Variants in YWHAE observed in about 807,000 individuals in gnomAD.
The protein encoded by YWHAE is tyrosine 3-monooxygenase/tryptophan 5-monooxygenase activation protein epsilon.
YWHAE carries 4 observed loss-of-function variants against 30.1 expected under a neutral mutation model. The ratio of observed to expected loss-of-function variants is 0.13; its 90% CI spans 0.07 to 0.30. The LOEUF (loss-of-function observed/expected upper bound fraction) is 0.30, where lower values mean the gene tolerates loss of function less well. YWHAE is among the 10% of genes least tolerant of loss of function. The probability of loss-of-function intolerance (pLI) is 1.00; values close to 1 mark genes in which losing one functional copy is unlikely to be tolerated. For missense variants in YWHAE, 121 were observed against 315.9 expected (o/e 0.38, Z 4.68); for synonymous variants, 118 against 111.8 (o/e 1.06, Z -0.35).
chr17:1,354,762 A>G (rs113363197), intron 4 of YWHAE, among the ~76,000 whole-genome samples: 2,489 of 152,002 alleles, frequency 0.016, 68 homozygotes, highest in African/African-American at 0.056. Flanking sequence ...TCTCAGGTTC[A>G]TGCCATTCTC....
intron 1 of YWHAE, among the ~76,000 whole-genome samples, chr17:1,382,570 C>G (rs2073230527): frequency 6.6e-6 from 1 of 151,250 alleles, no homozygotes. Flanking sequence ...CTATGTTAGC[C>G]AGGATGATCT....
chr17:1,385,394 T>C (rs2073285230), intron 1 of YWHAE, among the ~76,000 whole-genome samples: 1 of 152,184 alleles, frequency 6.6e-6, no homozygotes, highest in South Asian at 2.1e-4. Context: ...AAAAGTCATC[T>C]ACTGAAAAGG....
intron 1 of YWHAE, among the ~76,000 whole-genome samples, chr17:1,377,362 G>A (rs1326668411): frequency 6.6e-6 from 1 of 152,272 alleles, no homozygotes; most frequent in East Asian, 1.9e-4. Context: ...CAACCAGAGT[G>A]CTCACAGAAA....
intron 1 of YWHAE, among the ~76,000 whole-genome samples, chr17:1,395,092 TG>T (rs1228664319): frequency 1.3e-5 from 2 of 150,706 alleles, no homozygotes; most frequent in African/African-American, 2.4e-5. Flanking sequence ...CAGTCATCCA[TG>T]AAAAAAAAAA....
At chr17:1,377,811 G>A (rs2073146873) in intron 1 of YWHAE, among the ~76,000 whole-genome samples, 1 of 152,332 alleles carries the variant, frequency 6.6e-6, no homozygotes, top group South Asian at 2.1e-4. Context: ...CACTTTGGGA[G>A]GCCGAGGCAG....
chr17:1,368,512 T>G (rs1303754345), intron 1 of YWHAE, among the ~76,000 whole-genome samples: 1 of 148,286 alleles, frequency 6.7e-6, no homozygotes, highest in East Asian at 2.0e-4. Context: ...TGCACTGAGC[T>G]GAGATCGCGC....
intron 3 of YWHAE, 106 bp downstream of exon 3, chr17:1,361,796 G>T: frequency 4.6e-6 from 3 of 649,974 alleles, no homozygotes; most frequent in South Asian, 3.0e-5. Context: ...TTCTAACATT[G>T]AACAATTATT....
intron 1 of YWHAE, among the ~76,000 whole-genome samples, chr17:1,394,882 G>A (rs888078413): frequency 7.9e-5 from 12 of 152,046 alleles, no homozygotes; most frequent in East Asian, 1.9e-4. Flanking sequence ...CAGGAGAATC[G>A]CTTGAACCCA....
Position 1,344,627 on chromosome 17 carries a change from T to C in YWHAE, c.*820A>G, listed in dbSNP as rs919106534. 4.3e-6 allele frequency: 1 copy of C among 230,024 alleles called. No individual in the cohort carries two copies. The highest frequency in any genetic ancestry group is 2.2e-5 in the African/African-American group (1 of 45,124). 14.2% of individuals were successfully genotyped at this position (230,024 alleles called of 1,614,324 possible). Reference sequence around the variant, plus strand: ...GTAAGAACAATACAGATTCTGTATCTGTGGCTCCAGTCAGATATCCAGTAG... The same window carrying C: ...GTAAGAACAATACAGATTCTGTATCCGTGGCTCCAGTCAGATATCCAGTAG... On this transcript the variant is annotated 3_prime_UTR_variant, in exon 6 of 6. Transcript: ENST00000264335.
At chr17:1,360,302 A>G (rs2072843867) in intron 4 of YWHAE, among the ~76,000 whole-genome samples, 1 of 152,166 alleles carries the variant, frequency 6.6e-6, no homozygotes, top group African/African-American at 2.4e-5. Context: ...GTACGTATAA[A>G]TATTCCTTAC....
At chr17:1,380,889 C>A (rs1012252621) in intron 1 of YWHAE, among the ~76,000 whole-genome samples, 1 of 152,136 alleles carries the variant, frequency 6.6e-6, no homozygotes, top group Non-Finnish European at 1.5e-5. Context: ...AAGTTTTCCC[C>A]GACAACTGCA....
intron 5 of YWHAE, among the ~76,000 whole-genome samples, chr17:1,352,478 C>A (rs2072650788): frequency 6.6e-6 from 1 of 152,042 alleles, no homozygotes; most frequent in Admixed American, 6.6e-5. Context: ...CTACAGATAG[C>A]CTCAAGCAAC....
intron 1 of YWHAE, among the ~76,000 whole-genome samples, chr17:1,372,727 G>T (rs1185474778): frequency 6.6e-6 from 1 of 151,932 alleles, no homozygotes; most frequent in Non-Finnish European, 1.5e-5. Flanking sequence ...CCGAAGGCAG[G>T]AAGATCATGT....
In YWHAE at chr17:1,397,127, G is replaced by A. The variant is rs113883459; in HGVS notation, c.64+2920C>T. 2.3e-4 allele frequency among the ~76,000 whole-genome samples: 35 copies of A among 152,094 alleles called. 1 individual carries two copies. Among genetic ancestry groups the A allele is most frequent in the African/African-American group, 8.4e-4 (35 of 41,492 alleles). On this transcript the variant is annotated intron_variant, in intron 1 of 5. Transcript: ENST00000264335. ...TTGGCCAGGCTGGTCTTGAACTCCCGACCTCAGGTGATCCACCCGCCTCGA... is the reference window on the plus strand; with the variant it reads ...TTGGCCAGGCTGGTCTTGAACTCCCAACCTCAGGTGATCCACCCGCCTCGA...
chr17:1,386,862 G>A (rs1184013371), intron 1 of YWHAE, among the ~76,000 whole-genome samples: 1 of 152,102 alleles, frequency 6.6e-6, no homozygotes, highest in African/African-American at 2.4e-5. Flanking sequence ...GCTGAGGCAG[G>A]AGAATCACTT....
At chr17:1,347,231 C>T (rs1443192415) in intron 5 of YWHAE, among the ~76,000 whole-genome samples, 5 of 149,766 alleles carry the variant, frequency 3.3e-5, no homozygotes, top group South Asian at 4.2e-4. Flanking sequence ...CCCAGCTACT[C>T]GGGAGGCAGG....
At chr17:1,395,314 G>A (rs905245729) in intron 1 of YWHAE, among the ~76,000 whole-genome samples, 1 of 152,116 alleles carries the variant, frequency 6.6e-6, no homozygotes, top group African/African-American at 2.4e-5. Flanking sequence ...GATCACCTGA[G>A]ATCAGGAGAT....
At chr17:1,359,491 A>C (rs2072817796) in intron 4 of YWHAE, among the ~76,000 whole-genome samples, 1 of 152,216 alleles carries the variant, frequency 6.6e-6, no homozygotes, top group Non-Finnish European at 1.5e-5. Context: ...TGCAAAATAC[A>C]TAAAATGAAT....
chr17:1,362,055 C>G, intron 2 of YWHAE, 47 bp from the exon 3 acceptor site: 2 of 1,189,764 alleles, frequency 1.7e-6, no homozygotes, highest in Non-Finnish European at 2.3e-6. Flanking sequence ...TCTAGAAATT[C>G]TACAAATTAT....
Sources: allele counts gnomAD v4.1 joint callset (sites outside exome capture counted in the v4.1 genomes callset), GRCh38; gene constraint gnomAD v4.1.1; transcripts MANE v1.5; gene names NCBI Gene and HGNC (gene_info 2026-07-23, HGNC 2026-07-21).